Variants in DLX1 observed in about 807,000 individuals in gnomAD.
DLX1 encodes the protein distal-less homeobox 1.
A neutral mutation model predicts 25.0 loss-of-function variants in DLX1; 7 were observed. The ratio of observed to expected loss-of-function variants is 0.28; its 90% confidence interval spans 0.16 to 0.52. The LOEUF is 0.52. Ranked by LOEUF, DLX1 falls within the 20% of genes least tolerant of loss-of-function variation. DLX1 has a pLI of 0.96. For missense variants in DLX1, 233 were observed against 334.4 expected (o/e 0.70, Z 2.37); for synonymous variants, 155 against 140.3 (o/e 1.10, Z -0.74).
chr2:172,086,403 C>A, intron 1 of DLX1: 3 of 485,940 alleles, frequency 6.2e-6, no homozygotes, highest in Non-Finnish European at 7.2e-6. Flanking sequence ...CCTCAACTAC[C>A]GCCTGCAAAA....
chr2:172,085,620 G>C lies in DLX1; in HGVS notation c.-58G>C. ...TCCTTCCTGTCCTGAGAAACATAGAGACCCCCAAAAGGGAAGCAGAGGAGA... is the reference window on the plus strand; with the variant it reads ...TCCTTCCTGTCCTGAGAAACATAGACACCCCCAAAAGGGAAGCAGAGGAGA... On this transcript the variant is annotated 5_prime_UTR_variant, in exon 1 of 3. Coordinates refer to ENST00000361725, the MANE Select transcript of DLX1 (RefSeq NM_178120.5). The surrounding 1 kb of genome is among the most constrained non-coding windows in gnomAD (Gnocchi z 4.3). 3 of 1,538,724 alleles carry C rather than the reference G, an allele frequency of 1.9e-6. No homozygotes were observed. Among genetic ancestry groups the C allele is most frequent in the Admixed American group, 2.0e-5 (1 of 50,526 alleles).
At chr2:172,087,633 G>A (rs1336951067) in intron 2 of DLX1, 6 of 503,826 alleles carry the variant, frequency 1.2e-5, no homozygotes, top group Non-Finnish European at 2.3e-5. Flanking sequence ...TTTTATTGAT[G>A]TTGATATTGG....
At chr2:172,086,103 A>C in intron 1 of DLX1, 113 bp downstream of exon 1, 1 of 20,410 alleles carries the variant, frequency 4.9e-5, no homozygotes, top group Non-Finnish European at 8.8e-5. Flanking sequence ...GAGGAGAGCG[A>C]GGTGGGGTGG....
chr2:172,088,439 C>G lies in DLX1; in HGVS notation c.*182C>G, dbSNP rs3821186. The G allele has an allele frequency of 0.017, 12,674 of 762,286 alleles. 238 individuals carry two copies. The highest frequency in any genetic ancestry group is 0.064 in the East Asian group (1,901 of 29,652). The allele number at this position is 762,286 out of a possible 1,614,324, so 47.2% of individuals were successfully genotyped here. On this transcript the variant is annotated 3_prime_UTR_variant, in exon 3 of 3. Transcript: ENST00000361725. ...CAACTTCCCGGCATCCGCGCTCTAG[C>G]CTGAACCCTGGCCTGGGCCGAGCAG...
chr2:172,086,750 G>A lies in DLX1; in HGVS notation c.410G>A (p.Ser137Asn), dbSNP rs200145287. Reference protein sequence around the residue: ...KIRKPRTIYSSLQLQALNRRF... With the variant: ...KIRKPRTIYSNLQLQALNRRF... ...CGTAAACCCAGGACGATTTATTCCA[G>A]TTTGCAGTTGCAGGCTTTGAACCGG... Residue 137 changes from serine to asparagine, a missense_variant, in exon 2 of 3, where the codon AGT (serine) becomes AAT (asparagine). Transcript: ENST00000361725. 1.2e-6 allele frequency: 2 copies of A among 1,609,294 alleles called. No individual in the cohort carries two copies. Among genetic ancestry groups the A allele is most frequent in the East Asian group, 2.2e-5 (1 of 44,826 alleles).
rs772973657 is a variant in DLX1, at chr2:172,085,856, C to T, written c.179C>T (p.Ala60Val). The T allele has an allele frequency of 1.2e-6, 2 of 1,614,232 alleles. No homozygotes were observed. Among genetic ancestry groups the T allele is most frequent in the Admixed American group, 1.7e-5 (1 of 60,036 alleles). The change falls in exon 1 of 3, where the codon GCC (alanine) becomes GTC (valine). Residue 60 changes from alanine (A) to valine (V), a missense_variant. Ala to Val is a moderately conservative substitution (Grantham distance 64). This residue lies in a region of DLX1 where 126 missense variants were observed against 170.4 expected (regional missense o/e 0.74). Transcript: ENST00000361725. The surrounding 1 kb of genome is among the most constrained non-coding windows in gnomAD (Gnocchi z 4.3). ...CAGCCCGACGGCGCCTACAGCTCAG[C>T]CTCGTCCTTCTCCCGACCGCTGGGC... is the stretch of plus-strand genomic sequence containing the variant. The part of the protein sequence containing the change: ...HSQPDGAYSS[A>V]SSFSRPLGYP...
rs1483978741 is a variant in DLX1 at position 172,086,926 on chromosome 2, T to C, written c.513+73T>C. 3.3e-6 allele frequency: 5 copies of C among 1,505,544 alleles called. No homozygotes were observed. The East Asian group carries it at 1.1e-4, about 34-fold the overall frequency. 93.3% of individuals were successfully genotyped at this position (1,505,544 alleles called of 1,614,324 possible). A position where few individuals can be genotyped will look rare whatever the true frequency, so the allele number is the denominator to read the frequency against. On this transcript the variant is annotated intron_variant, in intron 2 of 2. Transcript: ENST00000361725. ...CGGCCTGCGCCCGGGTCTTCATTTG[T>C]TGCTCGCTGGGACTCAGGGTCGGGG...
chr2:172,086,425 T>C lies in DLX1; in HGVS notation c.314-229T>C, dbSNP rs533739830. ...TACCGCCTGCAAAAATAGCAAACTT[T>C]CCCTGCAAAGGCAGGAGCTGAGCTC... On this transcript the variant is annotated intron_variant, in intron 1 of 2. Coordinates refer to ENST00000361725, the MANE Select transcript of DLX1 (RefSeq NM_178120.5). The C allele has an allele frequency of 7.8e-5, 38 of 489,316 alleles. 1 individual carries two copies. In the South Asian group the frequency reaches 1.0e-3, roughly 13 times the overall value. 30.3% of individuals were successfully genotyped at this position (489,316 alleles called of 1,614,324 possible). A position where few individuals can be genotyped will look rare whatever the true frequency, so the allele number is the denominator to read the frequency against.
chr2:172,087,399 G>C, intron 2 of DLX1: 2 of 411,144 alleles, frequency 4.9e-6, no homozygotes, highest in Admixed American at 2.8e-5. Context: ...CGTTCCTGAC[G>C]GCGGCGGGCG....
In DLX1 at chr2:172,086,706, T is replaced by C. The variant is rs776600213; in HGVS notation, c.366T>C (p.Asn122=). Residue 122 remains asparagine (N), a synonymous_variant, in exon 2 of 3, where the codon AAT becomes AAC. Transcript: ENST00000361725. The part of the protein sequence containing the change: ...TVVEGGEVRF[N]GKGKKIRKPR... ...TGGAAGGCGGTGAAGTGCGCTTCAA[T>C]GGCAAGGGAAAAAAGATCCGTAAAC... The C allele has an allele frequency of 3.2e-6, 5 of 1,573,870 alleles. No homozygotes were observed. The highest frequency in any genetic ancestry group is 2.3e-5 in the East Asian group (1 of 44,428).
Position 172,085,553 on chromosome 2 carries a change from T to A in DLX1, c.-125T>A, listed in dbSNP as rs1185876592. The A allele has an allele frequency of 4.0e-5, 40 of 993,180 alleles. 1 individual carries two copies. The Admixed American group carries it at 8.6e-4, about 21-fold the overall frequency. 61.5% of individuals were successfully genotyped at this position (993,180 alleles called of 1,614,324 possible). A position where few individuals can be genotyped will look rare whatever the true frequency, so the allele number is the denominator to read the frequency against. On this transcript the variant is annotated 5_prime_UTR_variant, in exon 1 of 3. An upstream open reading frame in the 5' UTR gains an earlier in-frame stop. Coordinates refer to ENST00000361725, the MANE Select transcript of DLX1 (RefSeq NM_178120.5). The surrounding 1 kb of genome is among the most constrained non-coding windows in gnomAD (Gnocchi z 4.3). Reference sequence around the variant, plus strand: ...TTCAAAGAGACAAACTCCATTTTCTTATGAATGGAAAGTGAAAACCCCTGT... The same window carrying A: ...TTCAAAGAGACAAACTCCATTTTCTAATGAATGGAAAGTGAAAACCCCTGT...
chr2:172,086,755 C>T lies in DLX1; in HGVS notation c.415C>T (p.Gln139Ter). ...ACCCAGGACGATTTATTCCAGTTTG[C>T]AGTTGCAGGCTTTGAACCGGAGGTT... The part of the protein sequence containing the change: ...RKPRTIYSSL[Q>*]LQALNRRFQQ... Residue 139 changes from glutamine (Q) to a stop codon, truncating the protein, a stop_gained, in exon 2 of 3, where the codon CAG (glutamine) becomes TAG (stop). Transcript: ENST00000361725. LOFTEE classifies it high-confidence loss of function. 6.2e-7 allele frequency: 1 copy of T among 1,609,164 alleles called. No individual in the cohort carries two copies. Among genetic ancestry groups the T allele is most frequent in the Non-Finnish European group, 8.5e-7 (1 of 1,178,064 alleles).
At position 172,088,550 on chromosome 2, in the gene DLX1, C is replaced by G. The variant is rs1348498833; in HGVS notation, c.*293C>G. The G allele has an allele frequency of 2.7e-6, 1 of 363,728 alleles. No homozygotes were observed. Among genetic ancestry groups the G allele is most frequent in the African/African-American group, 2.1e-5 (1 of 48,060 alleles). The allele number at this position is 363,728 out of a possible 1,614,324, so 22.5% of individuals were successfully genotyped here. On this transcript the variant is annotated 3_prime_UTR_variant, in exon 3 of 3. Coordinates refer to ENST00000361725, the MANE Select transcript of DLX1 (RefSeq NM_178120.5). ...GATAAACCCGCTCCACCCGACCCGC[C>G]GACCTTCAGCTTTGTGGGACTATCA...
At chr2:172,087,782 C>T (rs1483376578) in intron 2 of DLX1, among the ~76,000 whole-genome samples, 2 of 149,612 alleles carry the variant, frequency 1.3e-5, no homozygotes, top group South Asian at 2.1e-4. Context: ...GAGAGCTGCC[C>T]CCGTGGGCTG....
intron 1 of DLX1, 61 bp downstream of exon 1, chr2:172,086,051 A>T: frequency 8.4e-7 from 1 of 1,189,702 alleles, no homozygotes. Flanking sequence ...GGAAAGAAGG[A>T]GCGGGGGAGA....
Position 172,086,713 on chromosome 2 carries a change from G to A in DLX1, c.373G>A (p.Gly125Arg). 6.3e-7 allele frequency: 1 copy of A among 1,580,782 alleles called. No individual in the cohort carries two copies. Among genetic ancestry groups the A allele is most frequent in the Non-Finnish European group, 8.6e-7 (1 of 1,161,084 alleles). The change falls in exon 2 of 3, where the codon GGA (glycine) becomes AGA (arginine). Residue 125 changes from glycine (G) to arginine (R), a missense_variant. Coordinates refer to ENST00000361725, the MANE Select transcript of DLX1 (RefSeq NM_178120.5). ...CGGTGAAGTGCGCTTCAATGGCAAGGGAAAAAAGATCCGTAAACCCAGGAC... is the reference window on the plus strand; with the variant it reads ...CGGTGAAGTGCGCTTCAATGGCAAGAGAAAAAAGATCCGTAAACCCAGGAC... ...EGGEVRFNGK[G>R]KKIRKPRTIY...
At position 172,086,928 on chromosome 2, in the gene DLX1, G is replaced by T. The variant is rs753293597; in HGVS notation, c.513+75G>T. 4 of 1,484,580 alleles carry T rather than the reference G, an allele frequency of 2.7e-6. No individual in the cohort carries two copies. The Middle Eastern group carries it at 5.2e-4, about 191-fold the overall frequency. 92.0% of individuals were successfully genotyped at this position (1,484,580 alleles called of 1,614,324 possible). A position where few individuals can be genotyped will look rare whatever the true frequency, so the allele number is the denominator to read the frequency against. ...GCCTGCGCCCGGGTCTTCATTTGTT[G>T]CTCGCTGGGACTCAGGGTCGGGGTG... On this transcript the variant is annotated intron_variant, in intron 2 of 2. Transcript: ENST00000361725.
intron 2 of DLX1, 141 bp from the exon 3 acceptor site, chr2:172,087,862 T>A (rs1480188305): frequency 3.2e-6 from 4 of 1,259,740 alleles, no homozygotes; most frequent in Admixed American, 2.3e-5. Flanking sequence ...GGGATGTCTC[T>A]GCTTCTCTGG....
intron 1 of DLX1, 81 bp downstream of exon 1, chr2:172,086,071 GGAGA>G (rs1296945154): frequency 9.5e-6 from 10 of 1,052,236 alleles, no homozygotes; most frequent in East Asian, 3.9e-5. Context: ...AAGAGGAGAG[GGAGA>G]GAGAGAGAAA....
Sources: allele counts gnomAD v4.1 joint callset (sites outside exome capture counted in the v4.1 genomes callset), GRCh38; gene constraint gnomAD v4.1.1; regional missense constraint gnomAD v4.1.1; non-coding constraint Gnocchi (gnomAD v3.1); transcripts MANE v1.5; gene names NCBI Gene and HGNC (gene_info 2026-07-23, HGNC 2026-07-21).